Variants in RTN1 observed in about 807,000 individuals in gnomAD.
The protein encoded by RTN1 is reticulon-1.
RTN1 carries 25 observed loss-of-function variants against 65.5 expected under a neutral mutation model. The observed-to-expected ratio is 0.38, with a 90% CI of 0.28 to 0.53. The LOEUF is 0.53. RTN1 is among the 20% of genes least tolerant of loss of function. RTN1 has a pLI of 0.79. For synonymous variants in RTN1, 471 were observed against 447.6 expected (o/e 1.05, Z -0.66); for missense variants, 983 against 1,025.4 (o/e 0.96, Z 0.57).
At chr14:59,621,014 G>T (rs1882239960) in intron 3 of RTN1, among the ~76,000 whole-genome samples, 1 of 152,238 alleles carries the variant, frequency 6.6e-6, no homozygotes, top group African/African-American at 2.4e-5. Context: ...TCAGTGGGAA[G>T]GGTAGGAGGT....
intron 1 of RTN1, among the ~76,000 whole-genome samples, chr14:59,807,298 A>G (rs1886656314): frequency 6.6e-6 from 1 of 152,212 alleles, no homozygotes; most frequent in Non-Finnish European, 1.5e-5. Context: ...ATTAGATGCA[A>G]TTCTATAGGT....
intron 3 of RTN1, among the ~76,000 whole-genome samples, chr14:59,611,521 GCCT>G (rs1881949008): frequency 6.6e-6 from 1 of 151,996 alleles, no homozygotes; most frequent in Admixed American, 6.6e-5. Flanking sequence ...TGCTGCCAAT[GCCT>G]CCTTTCTTCT....
At chr14:59,710,444 T>C (rs981130494) in intron 3 of RTN1, among the ~76,000 whole-genome samples, 2 of 152,210 alleles carry the variant, frequency 1.3e-5, no homozygotes, top group African/African-American at 4.8e-5. Context: ...CCCCAAATGG[T>C]TCTTTCTGTG....
intron 1 of RTN1, among the ~76,000 whole-genome samples, chr14:59,772,422 G>C (rs1270577947): frequency 6.6e-6 from 1 of 151,694 alleles, no homozygotes; most frequent in East Asian, 1.9e-4. Flanking sequence ...TGCTCAGCAT[G>C]CTATTAGGTA....
At chr14:59,820,197 A>C (rs1287421380) in intron 1 of RTN1, among the ~76,000 whole-genome samples, 2 of 150,974 alleles carry the variant, frequency 1.3e-5, no homozygotes, top group African/African-American at 4.9e-5. Flanking sequence ...TCTTCTTTTG[A>C]GAAGTGTCTA....
chr14:59,704,947 T>C (rs1464941744), intron 3 of RTN1, among the ~76,000 whole-genome samples: 4 of 152,162 alleles, frequency 2.6e-5, no homozygotes. Context: ...AAAAAGCAGC[T>C]TTTACAGCTT....
rs554820176 is a variant in RTN1, at chr14:59,630,831, A to G, written c.1766-23339T>C. On this transcript the variant is annotated intron_variant, in intron 3 of 8. Transcript: ENST00000267484. ...AGCGGTTCTGGCCGCGAAGGCGCTG[A>G]CGCGGACAGTGGGTGGGAGGTTTGG... 18 of 1,008,732 alleles carry G rather than the reference A, an allele frequency of 1.8e-5. No homozygotes were observed. The African/African-American group carries it at 2.8e-4, about 15-fold the overall frequency. 62.5% of individuals were successfully genotyped at this position (1,008,732 alleles called of 1,614,324 possible). A position where few individuals can be genotyped will look rare whatever the true frequency, so the allele number is the denominator to read the frequency against.
At chr14:59,697,609 C>T (rs150012125) in intron 3 of RTN1, among the ~76,000 whole-genome samples, 28 of 152,150 alleles carry the variant, frequency 1.8e-4, no homozygotes, top group African/African-American at 6.0e-4. Context: ...GTTAGCCTAA[C>T]AATATAAAAT....
rs190934600 is a variant in RTN1 at position 59,828,347 on chromosome 14, G to A, written c.241+42043C>T. Among the ~76,000 whole-genome samples the A allele has an allele frequency of 4.6e-5, 7 of 152,340 alleles. No homozygotes were observed. The East Asian group carries it at 1.2e-3, about 25-fold the overall frequency. On this transcript the variant is annotated intron_variant, in intron 1 of 8. Transcript: ENST00000267484. ...AGAGGAAGAGAGAGCCTGAGACCGT[G>A]TGTAAATCCTGAACAGAAGCCAGGG... is the stretch of plus-strand genomic sequence containing the variant.
chr14:59,717,530 C>A (rs751190590), intron 3 of RTN1, among the ~76,000 whole-genome samples: 1 of 152,122 alleles, frequency 6.6e-6, no homozygotes. Context: ...CCAGGAGGCC[C>A]CAAACTACTG....
chr14:59,710,389 G>C (rs1025069175), intron 3 of RTN1, among the ~76,000 whole-genome samples: 1 of 152,210 alleles, frequency 6.6e-6, no homozygotes. Context: ...GGAGTCTGCA[G>C]CATTCCAAGC....
At chr14:59,848,887 T>C (rs1236053225) in intron 1 of RTN1, among the ~76,000 whole-genome samples, 2 of 152,144 alleles carry the variant, frequency 1.3e-5, no homozygotes, top group South Asian at 2.1e-4. Flanking sequence ...TGTACACAAA[T>C]CGTCACTGAT....
Position 59,610,405 on chromosome 14 carries a change from T to C in RTN1, c.1766-2913A>G, listed in dbSNP as rs117442331. On this transcript the variant is annotated intron_variant, in intron 3 of 8. Transcript: ENST00000267484. Reference sequence around the variant, plus strand: ...TTCTGGACACTTTGCAACAATATTATCTATTTACATTGATTCTGAAATGTT... The same window carrying C: ...TTCTGGACACTTTGCAACAATATTACCTATTTACATTGATTCTGAAATGTT... 1.3e-4 allele frequency among the ~76,000 whole-genome samples: 20 copies of C among 152,344 alleles called. No individual in the cohort carries two copies. The East Asian group carries it at 2.9e-3, about 22-fold the overall frequency.
chr14:59,750,139 A>AG (rs1555358830), intron 1 of RTN1, among the ~76,000 whole-genome samples: 1 of 74,836 alleles, frequency 1.3e-5, no homozygotes, highest in Non-Finnish European at 2.3e-5. Flanking sequence ...TATAATATAT[A>AG]ATATATATAT....
At chr14:59,612,196 G>A (rs1281517361) in intron 3 of RTN1, among the ~76,000 whole-genome samples, 1 of 152,168 alleles carries the variant, frequency 6.6e-6, no homozygotes, top group African/African-American at 2.4e-5. Flanking sequence ...GCAGCCCATT[G>A]GGCAGCATCT....
At chr14:59,747,852 A>C (rs1036445761) in intron 1 of RTN1, among the ~76,000 whole-genome samples, 1 of 152,158 alleles carries the variant, frequency 6.6e-6, no homozygotes. Context: ...CAGTACGTAC[A>C]ATATCAAAGG....
At chr14:59,707,082 T>C (rs1317569730) in intron 3 of RTN1, among the ~76,000 whole-genome samples, 1 of 152,228 alleles carries the variant, frequency 6.6e-6, no homozygotes, top group East Asian at 1.9e-4. Flanking sequence ...TCTGAAGAAC[T>C]GAGAACTGAA....
chr14:59,672,666 C>T (rs1039900885), intron 3 of RTN1, among the ~76,000 whole-genome samples: 1 of 120,030 alleles, frequency 8.3e-6, no homozygotes, highest in African/African-American at 3.1e-5. Context: ...CGGAGTCTCG[C>T]TCTGTCGCCC....
chr14:59,692,280 A>G (rs1380859747), intron 3 of RTN1, among the ~76,000 whole-genome samples: 1 of 152,228 alleles, frequency 6.6e-6, no homozygotes, highest in Non-Finnish European at 1.5e-5. Flanking sequence ...ATTTCTATAC[A>G]TCAATAACAT....
Sources: gnomAD v4.1 joint callset for allele counts (sites outside exome capture counted in the v4.1 genomes callset) on GRCh38, gnomAD v4.1.1 for gene constraint, MANE v1.5 for transcripts, NCBI Gene and HGNC (gene_info 2026-07-23, HGNC 2026-07-21) for gene names.